Variants in CSNK2A2IP observed in about 807,000 individuals in gnomAD.
CSNK2A2IP encodes casein kinase 2 subunit alpha' interacting protein, also known as casein kinase II subunit alpha'-interacting protein.
At chr3:88,459,707 C>T in the CSNK2A2IP span, among the ~76,000 whole-genome samples, 1 of 152,002 alleles carries the variant, frequency 6.6e-6, no homozygotes, top group Non-Finnish European at 1.5e-5. Context: ...TGTTTGTTAT[C>T]ATTAAGTAAC....
chr3:88,360,447 T>G, the CSNK2A2IP span, among the ~76,000 whole-genome samples: 1 of 152,202 alleles, frequency 6.6e-6, no homozygotes, highest in Non-Finnish European at 1.5e-5. Flanking sequence ...GTTTTTGTCT[T>G]GAAATCCATT....
the CSNK2A2IP span, among the ~76,000 whole-genome samples, chr3:88,352,481 T>C: frequency 1.3e-5 from 2 of 152,260 alleles, no homozygotes; most frequent in African/African-American, 4.8e-5. Flanking sequence ...GAGGTTTTTG[T>C]TTAATTCTCA....
chr3:88,413,394 GA>G, the CSNK2A2IP span, among the ~76,000 whole-genome samples: 21,468 of 151,804 alleles, frequency 0.14, 1,971 homozygotes, highest in East Asian at 0.21. Context: ...CTTGAATCTT[GA>G]AAAAACATTT....
At chr3:88,376,848 G>A in the CSNK2A2IP span, among the ~76,000 whole-genome samples, 3 of 151,662 alleles carry the variant, frequency 2.0e-5, no homozygotes, top group Non-Finnish European at 4.4e-5. Context: ...TGACTTTTCT[G>A]AATTCTTATC....
At chr3:88,371,068 C>A in the CSNK2A2IP span, among the ~76,000 whole-genome samples, 1 of 151,408 alleles carries the variant, frequency 6.6e-6, no homozygotes, top group South Asian at 2.1e-4. Flanking sequence ...TTTAAACCAA[C>A]CACTCTATGG....
chr3:88,454,184 T>C, the CSNK2A2IP span, among the ~76,000 whole-genome samples: 1 of 152,010 alleles, frequency 6.6e-6, no homozygotes, highest in African/African-American at 2.4e-5. Context: ...TAAAGAATAA[T>C]GATATTGACA....
At chr3:88,419,241 T>G in the CSNK2A2IP span, among the ~76,000 whole-genome samples, 4 of 152,220 alleles carry the variant, frequency 2.6e-5, no homozygotes, top group South Asian at 2.1e-4. Context: ...CCCCCTGGTC[T>G]GTGGAAAAAT....
chr3:88,354,832 A>G, the CSNK2A2IP span, among the ~76,000 whole-genome samples: 2 of 152,192 alleles, frequency 1.3e-5, no homozygotes, highest in African/African-American at 2.4e-5. Flanking sequence ...TATACTAATC[A>G]TAATTAGAAC....
At chr3:88,427,259 A>G in the CSNK2A2IP span, among the ~76,000 whole-genome samples, 2 of 152,146 alleles carry the variant, frequency 1.3e-5, no homozygotes, top group Non-Finnish European at 2.9e-5. Context: ...GGAAATTTGA[A>G]CTCAAGAGAG....
At chr3:88,386,415 C>T in the CSNK2A2IP span, among the ~76,000 whole-genome samples, 2 of 152,172 alleles carry the variant, frequency 1.3e-5, no homozygotes, top group African/African-American at 2.4e-5. Context: ...CGTGAGCCAG[C>T]GTACCCAGCC....
chr3:88,389,215 T>C, the CSNK2A2IP span, among the ~76,000 whole-genome samples: 1 of 148,526 alleles, frequency 6.7e-6, no homozygotes, highest in Non-Finnish European at 1.5e-5. Flanking sequence ...AGGAGCTCAA[T>C]GAGACAGTAA....
chr3:88,360,285 C>T, the CSNK2A2IP span, among the ~76,000 whole-genome samples: 2 of 151,966 alleles, frequency 1.3e-5, no homozygotes, highest in Non-Finnish European at 2.9e-5. Context: ...AGGCGCCCAC[C>T]ACAACGCCCG....
chr3:88,384,274 G>A, the CSNK2A2IP span, among the ~76,000 whole-genome samples: 3 of 152,038 alleles, frequency 2.0e-5, no homozygotes, highest in South Asian at 6.2e-4. Context: ...ATTACTGAAA[G>A]TAGAAAAGGG....
chr3:88,348,131 C>T, the CSNK2A2IP span, among the ~76,000 whole-genome samples: 6 of 151,976 alleles, frequency 3.9e-5, no homozygotes, highest in Non-Finnish European at 7.4e-5. Flanking sequence ...TGAGAGACAT[C>T]TATTTGACTT....
At chr3:88,411,912 A>G in the CSNK2A2IP span, among the ~76,000 whole-genome samples, 1 of 151,578 alleles carries the variant, frequency 6.6e-6, no homozygotes, top group Non-Finnish European at 1.5e-5. Context: ...ATTAAAATCA[A>G]TTTCACCTGT....
the CSNK2A2IP span, among the ~76,000 whole-genome samples, chr3:88,361,489 G>A: frequency 6.6e-6 from 1 of 151,964 alleles, no homozygotes; most frequent in South Asian, 2.1e-4. Context: ...GCTAAACATA[G>A]GATTGAAACC....
chr3:88,412,988 G>C, the CSNK2A2IP span, among the ~76,000 whole-genome samples: 2 of 151,978 alleles, frequency 1.3e-5, no homozygotes, highest in African/African-American at 4.8e-5. Context: ...AAGGGTTAAT[G>C]GTAAGTTTTA....
At chr3:88,390,114 G>T in the CSNK2A2IP span, among the ~76,000 whole-genome samples, 32 of 152,212 alleles carry the variant, frequency 2.1e-4, no homozygotes, top group African/African-American at 7.0e-4. Context: ...AGCTTGAAAA[G>T]CTTCTTGGGG....
the CSNK2A2IP span, among the ~76,000 whole-genome samples, chr3:88,374,506 A>G: frequency 6.6e-6 from 1 of 151,756 alleles, no homozygotes; most frequent in African/African-American, 2.4e-5. Context: ...TGATATGGAC[A>G]CCTTCTTAAA....
Sources: gnomAD v4.1 joint callset for allele counts (sites outside exome capture counted in the v4.1 genomes callset) on GRCh38, gnomAD v4.1.1 for gene constraint, MANE v1.5 for transcripts, NCBI Gene and HGNC (gene_info 2026-07-23, HGNC 2026-07-21) for gene names.